The following GPR158 variants were observed in gnomAD, a reference collection of about 807,000 sequenced individuals.
GPR158 encodes G protein-coupled receptor 158, also known as metabotropic glycine receptor.
A neutral mutation model predicts 78.2 loss-of-function variants in GPR158; 30 were observed. That is an observed-to-expected ratio of 0.38 (90% CI 0.29 to 0.52). GPR158 has a LOEUF of 0.52. Ranked by LOEUF, GPR158 falls within the 20% of genes least tolerant of loss-of-function variation. The pLI, the probability that GPR158 is intolerant of heterozygous loss-of-function variation, is 0.83. For synonymous variants in GPR158, 581 were observed against 591.1 expected, an observed-to-expected ratio of 0.98 and a Z score of 0.25; for missense variants, 1,463 against 1,523.5, an observed-to-expected ratio of 0.96 and a Z score of 0.66.
intron 5 of GPR158, among the ~76,000 whole-genome samples, chr10:25,474,038 G>A (rs1409433369): frequency 6.6e-6 from 1 of 152,094 alleles, no homozygotes; most frequent in Non-Finnish European, 1.5e-5. Context: ...TAAGTGAAAA[G>A]AGGGAAGCAG....
intron 4 of GPR158, among the ~76,000 whole-genome samples, chr10:25,423,438 G>T (rs1179954330): frequency 3.3e-5 from 5 of 151,068 alleles, no homozygotes; most frequent in Admixed American, 2.6e-4. Context: ...TGCACAATGT[G>T]CAGGTTTGTT....
chr10:25,177,355 A>G (rs912392888), intron 1 of GPR158, among the ~76,000 whole-genome samples: 3 of 152,176 alleles, frequency 2.0e-5, no homozygotes, highest in Admixed American at 6.5e-5. Context: ...CCCAAGATGA[A>G]CTGAGATCTT....
chr10:25,522,805 G>A (rs910794429), intron 5 of GPR158, among the ~76,000 whole-genome samples: 5 of 152,282 alleles, frequency 3.3e-5, no homozygotes, highest in Non-Finnish European at 7.4e-5. Flanking sequence ...AGGGGAATTA[G>A]GAAGCTTCTC....
chr10:25,557,846 T>C (rs529513357), intron 6 of GPR158, among the ~76,000 whole-genome samples: 24 of 152,304 alleles, frequency 1.6e-4, no homozygotes, highest in Admixed American at 1.6e-3. Flanking sequence ...ATCATTTTAA[T>C]GGTCCTTCCT....
Position 25,599,057 on chromosome 10 carries a change from C to G in GPR158, c.3431C>G (p.Thr1144Arg). 1.2e-6 allele frequency: 2 copies of G among 1,613,924 alleles called. No homozygotes were observed. The highest frequency in any genetic ancestry group is 1.7e-6 in the Non-Finnish European group (2 of 1,179,948). The stretch of plus-strand genomic sequence containing the variant: ...CAAATAGGACACCAGGAAAAAAAGA[C>G]ATCTTCTTCTGAGGAGAATGTGCGT... The part of the protein sequence containing the change: ...LNQIGHQEKK[T>R]SSSEENVRGS... Residue 1144 changes from threonine (T) to arginine (R), a missense_variant, in exon 11 of 11, where the codon ACA becomes AGA. Coordinates refer to ENST00000376351, the MANE Select transcript of GPR158 (RefSeq NM_020752.3).
intron 2 of GPR158, among the ~76,000 whole-genome samples, chr10:25,232,826 A>G (rs1191867884): frequency 6.6e-6 from 1 of 152,124 alleles, no homozygotes; most frequent in Non-Finnish European, 1.5e-5. Flanking sequence ...TAGCTTATTC[A>G]TAGTTTGGGT....
At chr10:25,321,731 T>G (rs1456553649) in intron 2 of GPR158, among the ~76,000 whole-genome samples, 1 of 152,204 alleles carries the variant, frequency 6.6e-6, no homozygotes, top group Non-Finnish European at 1.5e-5. Flanking sequence ...CCATCCATTT[T>G]TTTTTCATTG....
chr10:25,553,750 C>T lies in GPR158; in HGVS notation c.1514+2665C>T, dbSNP rs1836754462. ...ACATATGGCCCTGAAGGAGGGACGT[C>T]TAAGCTTTTGTGATGACATGATAGA... On this transcript the variant is annotated intron_variant, in intron 6 of 10. Transcript: ENST00000376351. Among the ~76,000 whole-genome samples, 3 of 152,238 alleles carry T rather than the reference C, an allele frequency of 2.0e-5. No homozygotes were observed. The South Asian group carries it at 6.2e-4, about 32-fold the overall frequency.
At chr10:25,312,833 C>T (rs1854785252) in intron 2 of GPR158, among the ~76,000 whole-genome samples, 1 of 152,112 alleles carries the variant, frequency 6.6e-6, no homozygotes, top group Admixed American at 6.6e-5. Context: ...GTGAAGAATA[C>T]AATCGTTATT....
intron 5 of GPR158, among the ~76,000 whole-genome samples, chr10:25,477,014 C>T (rs1276389075): frequency 6.6e-6 from 1 of 152,120 alleles, no homozygotes; most frequent in Non-Finnish European, 1.5e-5. Context: ...TCCAACCTAA[C>T]ATCAGGTTGG....
rs1286588881 is a variant in GPR158, at chr10:25,307,125, C to T, written c.1008+85968C>T. 4.0e-5 allele frequency among the ~76,000 whole-genome samples: 6 copies of T among 151,686 alleles called. No homozygotes were observed. The East Asian group carries it at 1.2e-3, about 29-fold the overall frequency. ...CACCTACCATTCATTAAATGTGTGC[C>T]CTGAAATAAGTTTAAGATAATGAAA... On this transcript the variant is annotated intron_variant, in intron 2 of 10. Coordinates refer to ENST00000376351, the MANE Select transcript of GPR158 (RefSeq NM_020752.3).
At chr10:25,521,240 ACCCACTGGCCTGCG>A (rs918072274) in intron 5 of GPR158, among the ~76,000 whole-genome samples, 2 of 152,110 alleles carry the variant, frequency 1.3e-5, no homozygotes, top group Non-Finnish European at 2.9e-5. Context: ...CGGTGCACGC[ACCCACTGGCCTGCG>A]CCCACTGTCT....
intron 2 of GPR158, among the ~76,000 whole-genome samples, chr10:25,310,614 CTTTA>C (rs1390304967): frequency 6.6e-6 from 1 of 151,870 alleles, no homozygotes; most frequent in Non-Finnish European, 1.5e-5. Flanking sequence ...TTTAAGAGCA[CTTTA>C]TTTATTAGGG....
intron 4 of GPR158, among the ~76,000 whole-genome samples, chr10:25,420,323 A>AGT (rs1834732119): frequency 5.4e-5 from 4 of 73,776 alleles, no homozygotes; most frequent in African/African-American, 1.2e-4. Flanking sequence ...CTATTTTTGA[A>AGT]ACATTTTTTT....
chr10:25,357,007 A>G (rs1855563992), intron 2 of GPR158, among the ~76,000 whole-genome samples: 1 of 152,184 alleles, frequency 6.6e-6, no homozygotes, highest in East Asian at 2.0e-4. Context: ...TCCGGGCTGA[A>G]GTGGTCTCAA....
intron 1 of GPR158, among the ~76,000 whole-genome samples, chr10:25,204,985 C>T (rs1009933286): frequency 6.6e-6 from 1 of 151,818 alleles, no homozygotes; most frequent in African/African-American, 2.4e-5. Flanking sequence ...GTGGCTTCCC[C>T]CATACTGTTC....
In GPR158 at chr10:25,175,713, A is replaced by C; in HGVS notation, c.293A>C (p.Asn98Thr). The change falls in exon 1 of 11, where the codon AAC becomes ACC. Residue 98 changes from asparagine to threonine, a missense_variant. By Grantham distance (65) the Asn-to-Thr change is moderately conservative. Transcript: ENST00000376351. The surrounding 1 kb of genome is among the most constrained non-coding windows in gnomAD (Gnocchi z 6.4). ...TGDSHQLKRA[N>T]CSGRYELAGL... ...GACTCCCACCAGCTGAAGCGAGCCA[A>C]CTGCTCCGGCCGCTACGAGTTGGCG... 1.2e-6 allele frequency: 2 copies of C among 1,611,772 alleles called. No homozygotes were observed. The highest frequency in any genetic ancestry group is 1.7e-6 in the Non-Finnish European group (2 of 1,179,910).
intron 5 of GPR158, among the ~76,000 whole-genome samples, chr10:25,538,864 G>A (rs561041691): frequency 5.8e-4 from 89 of 152,172 alleles, no homozygotes; most frequent in African/African-American, 2.0e-3. Context: ...TGGCCAAAAC[G>A]GTATCTATTT....
At chr10:25,191,238 G>A (rs1886953) in intron 1 of GPR158, among the ~76,000 whole-genome samples, 3,880 of 152,298 alleles carry the variant, frequency 0.025, 157 homozygotes, top group African/African-American at 0.085. Context: ...TAGAGATCAC[G>A]TAATCCAATT....
Sources: allele counts gnomAD v4.1 joint callset (sites outside exome capture counted in the v4.1 genomes callset), GRCh38; gene constraint gnomAD v4.1.1; non-coding constraint Gnocchi (gnomAD v3.1); transcripts MANE v1.5; gene names NCBI Gene and HGNC (gene_info 2026-07-23, HGNC 2026-07-21).